Variants in RBFOX1 observed in about 807,000 individuals in gnomAD.
The protein encoded by RBFOX1 is RNA binding protein fox-1 homolog 1.
Under a neutral mutation model 57.7 loss-of-function variants are expected in RBFOX1, and 8 were observed. That is an observed-to-expected ratio of 0.14 (90% confidence interval 0.08 to 0.25). The LOEUF is 0.25. Among genes scored for constraint, RBFOX1 ranks in the 10% least tolerant of loss-of-function variants. The pLI is 1.00. For missense variants in RBFOX1, 611 were observed against 548.5 expected (o/e 1.11, Z -1.14); for synonymous variants, 326 against 222.4 (o/e 1.47, Z -4.15).
chr16:7,060,582 C>G (rs143246887), intron 4 of RBFOX1, among the ~76,000 whole-genome samples: 63 of 152,214 alleles, frequency 4.1e-4, no homozygotes, highest in African/African-American at 1.4e-3. Flanking sequence ...GCTGGAAACA[C>G]AAAATAAAAT....
intron 3 of RBFOX1, among the ~76,000 whole-genome samples, chr16:5,802,836 GC>G (rs370781073): frequency 4.3e-4 from 66 of 152,122 alleles, no homozygotes; most frequent in African/African-American, 1.4e-3. Flanking sequence ...TATGAATCTC[GC>G]CCCCATCTGT....
At chr16:7,206,886 T>G (rs1239841985) in intron 4 of RBFOX1, among the ~76,000 whole-genome samples, 1 of 152,196 alleles carries the variant, frequency 6.6e-6, no homozygotes, top group African/African-American at 2.4e-5. Context: ...AGAAACCGTC[T>G]TAACTTGAAA....
intron 4 of RBFOX1, among the ~76,000 whole-genome samples, chr16:5,898,055 G>A (rs1193925380): frequency 6.6e-6 from 1 of 152,010 alleles, no homozygotes; most frequent in African/African-American, 2.4e-5. Context: ...TTCTTGACTG[G>A]GTAGGCCTCA....
At chr16:5,568,331 A>T (rs1399314379) in intron 2 of RBFOX1, among the ~76,000 whole-genome samples, 6 of 151,650 alleles carry the variant, frequency 4.0e-5, no homozygotes, top group Non-Finnish European at 8.8e-5. Flanking sequence ...ATAGTCCAAG[A>T]CCTCCCTGTG....
chr16:7,227,258 C>T (rs537510484), intron 4 of RBFOX1, among the ~76,000 whole-genome samples: 1 of 150,942 alleles, frequency 6.6e-6, no homozygotes, highest in Non-Finnish European at 1.5e-5. Flanking sequence ...TCTCTCTGTT[C>T]TCACTGTCAC....
chr16:7,311,843 T>C (rs866962352), intron 4 of RBFOX1, among the ~76,000 whole-genome samples: 10 of 152,230 alleles, frequency 6.6e-5, no homozygotes, highest in African/African-American at 1.2e-4. Flanking sequence ...TCTGAAGTTA[T>C]ATGTAGGACA....
intron 3 of RBFOX1, among the ~76,000 whole-genome samples, chr16:5,728,734 T>C (rs17512654): frequency 0.41 from 63,009 of 151,908 alleles, 15,698 homozygotes; most frequent in East Asian, 0.8. Context: ...AAATAAGATT[T>C]CTTCCAGGCA....
chr16:6,784,256 G>A (rs1434378240), intron 3 of RBFOX1, among the ~76,000 whole-genome samples: 1 of 151,824 alleles, frequency 6.6e-6, no homozygotes, highest in Non-Finnish European at 1.5e-5. Flanking sequence ...TCTTAGATTT[G>A]CCGTTTTTAG....
chr16:7,673,605 C>T (rs2072308970), intron 13 of RBFOX1, among the ~76,000 whole-genome samples: 1 of 152,108 alleles, frequency 6.6e-6, no homozygotes, highest in Admixed American at 6.5e-5. Context: ...TGGGTAACTA[C>T]CTCAAAGGAC....
chr16:6,650,299 T>A (rs1202565120), intron 2 of RBFOX1, among the ~76,000 whole-genome samples: 1 of 151,920 alleles, frequency 6.6e-6, no homozygotes, highest in Non-Finnish European at 1.5e-5. Flanking sequence ...TTTCTTTTTT[T>A]GCTGTGAATA....
chr16:5,636,695 C>A (rs1012608147), intron 3 of RBFOX1, among the ~76,000 whole-genome samples: 11 of 152,204 alleles, frequency 7.2e-5, no homozygotes, highest in African/African-American at 2.4e-4. Flanking sequence ...AGATCATACC[C>A]TTGGAAGGGC....
At chr16:5,777,766 C>T (rs1335877105) in intron 3 of RBFOX1, among the ~76,000 whole-genome samples, 1 of 152,136 alleles carries the variant, frequency 6.6e-6, no homozygotes, top group East Asian at 1.9e-4. Context: ...CTTTAACTTA[C>T]ATTTCATTAT....
intron 3 of RBFOX1, among the ~76,000 whole-genome samples, chr16:5,850,094 C>T (rs1485393678): frequency 1.3e-5 from 2 of 152,136 alleles, no homozygotes; most frequent in African/African-American, 4.8e-5. Flanking sequence ...TGAACCCAGG[C>T]TGGGAGTCTG....
At chr16:5,439,429 G>C (rs2068016376) in intron 1 of RBFOX1, among the ~76,000 whole-genome samples, 1 of 152,096 alleles carries the variant, frequency 6.6e-6, no homozygotes, top group Admixed American at 6.6e-5. Flanking sequence ...GGAATGAAAA[G>C]TAAAAATAGC....
chr16:7,533,921 A>C (rs2080805326), intron 5 of RBFOX1, among the ~76,000 whole-genome samples: 1 of 152,174 alleles, frequency 6.6e-6, no homozygotes, highest in Non-Finnish European at 1.5e-5. Flanking sequence ...GATTTAAGTC[A>C]ATTAATTCTA....
intron 4 of RBFOX1, among the ~76,000 whole-genome samples, chr16:7,355,489 G>A (rs909804973): frequency 2.0e-5 from 3 of 152,076 alleles, no homozygotes; most frequent in Admixed American, 6.5e-5. Context: ...CTTTTCCTAT[G>A]TAATTACATG....
intron 2 of RBFOX1, among the ~76,000 whole-genome samples, chr16:5,597,463 G>A (rs77873788): frequency 0.011 from 1,602 of 148,726 alleles, 30 homozygotes; most frequent in African/African-American, 0.038. Context: ...CAATGGCGGT[G>A]GTCTTGGCTC....
chr16:6,844,625 T>G (rs1370738275), intron 3 of RBFOX1, among the ~76,000 whole-genome samples: 1 of 152,162 alleles, frequency 6.6e-6, no homozygotes, highest in Non-Finnish European at 1.5e-5. Context: ...TTTGCTATCG[T>G]GAATAGTGCT....
At chr16:6,277,215 C>G (rs2152689295) in intron 1 of RBFOX1, among the ~76,000 whole-genome samples, 1 of 152,158 alleles carries the variant, frequency 6.6e-6, no homozygotes, top group East Asian at 1.9e-4. Context: ...AATCCCAGCA[C>G]TTTGAGTGGC....
Sources: allele counts gnomAD v4.1 joint callset (sites outside exome capture counted in the v4.1 genomes callset), GRCh38; gene constraint gnomAD v4.1.1; transcripts MANE v1.5; gene names NCBI Gene and HGNC (gene_info 2026-07-23, HGNC 2026-07-21).